Variants in VTI1A observed in about 807,000 individuals in gnomAD.
The protein encoded by VTI1A is vesicle transport through interaction with t-SNAREs 1A.
Under a neutral mutation model 34.9 loss-of-function variants are expected in VTI1A, and 22 were observed. That is an observed-to-expected ratio of 0.63 (90% CI 0.45 to 0.90). VTI1A has a LOEUF of 0.90. Among genes scored for constraint, VTI1A ranks in the 40% least tolerant of loss-of-function variants. The pLI, the probability that VTI1A is intolerant of heterozygous loss-of-function variation, is 0.00. For synonymous variants in VTI1A, 87 were observed against 97.3 expected, an observed-to-expected ratio of 0.89 and a Z score of 0.62; for missense variants, 268 against 275.6, an observed-to-expected ratio of 0.97 and a Z score of 0.20.
chr10:112,538,356 T>G lies in VTI1A; in HGVS notation c.427+26T>G, dbSNP rs1057390887. The G allele has an allele frequency of 2.5e-6, 4 of 1,603,500 alleles. 1 individual carries two copies. The South Asian group carries it at 4.4e-5, about 18-fold the overall frequency. ...GTAAGAATTCTGAGAGTGAGCAAAT[T>G]GTCTTGCTTATGCACAGCAGTCTTC... On this transcript the variant is annotated intron_variant, in intron 5 of 7. Coordinates refer to ENST00000393077, the MANE Select transcript of VTI1A (RefSeq NM_145206.4).
chr10:112,476,425 G>A (rs559592741), intron 3 of VTI1A, among the ~76,000 whole-genome samples: 219 of 152,274 alleles, frequency 1.4e-3, no homozygotes, highest in African/African-American at 5.0e-3. Context: ...TACTTGGAAA[G>A]AAAAGTAGCT....
chr10:112,549,252 T>TG (rs75864665), intron 5 of VTI1A, among the ~76,000 whole-genome samples: 6,921 of 152,302 alleles, frequency 0.045, 698 homozygotes, highest in East Asian at 0.43. Flanking sequence ...TAAGATTATA[T>TG]GGAAGAAAGT....
intron 7 of VTI1A, among the ~76,000 whole-genome samples, chr10:112,700,117 C>CAAA (rs1201699870): frequency 2.7e-4 from 11 of 40,376 alleles, no homozygotes; most frequent in African/African-American, 6.1e-4. Context: ...GACTCCATCT[C>CAAA]AAAAAAAAAA....
intron 7 of VTI1A, among the ~76,000 whole-genome samples, chr10:112,711,459 C>T (rs1590101594): frequency 6.6e-6 from 1 of 152,138 alleles, no homozygotes; most frequent in African/African-American, 2.4e-5. Context: ...AAAAGCATTC[C>T]TACTACTAAT....
intron 7 of VTI1A, among the ~76,000 whole-genome samples, chr10:112,692,163 C>G (rs147696802): frequency 6.6e-6 from 1 of 152,224 alleles, no homozygotes; most frequent in Non-Finnish European, 1.5e-5. Context: ...ACTCACCACC[C>G]TAGAGTGTAG....
chr10:112,756,292 G>C (rs919625475), intron 7 of VTI1A, among the ~76,000 whole-genome samples: 1 of 152,182 alleles, frequency 6.6e-6, no homozygotes, highest in South Asian at 2.1e-4. Context: ...GTGGGGCGGG[G>C]CAGTGTGTTA....
Position 112,816,045 on chromosome 10 carries a change from A to G in VTI1A, c.*662A>G, listed in dbSNP as rs1853512910. 4.5e-6 allele frequency: 1 copy of G among 221,888 alleles called. No homozygotes were observed. The highest frequency in any genetic ancestry group is 2.2e-5 in the African/African-American group (1 of 44,646). The allele number at this position is 221,888 out of a possible 1,614,324, so 13.7% of individuals were successfully genotyped here. A position where few individuals can be genotyped will look rare whatever the true frequency, so the allele number is the denominator to read the frequency against. ...AGCCTGCCCAGTATTCACTGTTCAC[A>G]ACTTTGATTACTGGCTACAAGAAAT... On this transcript the variant is annotated 3_prime_UTR_variant, in exon 8 of 8. Transcript: ENST00000393077.
At chr10:112,580,440 G>A (rs1474286632) in intron 5 of VTI1A, among the ~76,000 whole-genome samples, 2 of 152,146 alleles carry the variant, frequency 1.3e-5, no homozygotes, top group Non-Finnish European at 2.9e-5. Flanking sequence ...CAGCAGGAGC[G>A]GGATTGGAAA....
At chr10:112,690,148 T>TTATC (rs150027703) in intron 7 of VTI1A, among the ~76,000 whole-genome samples, 1 of 152,014 alleles carries the variant, frequency 6.6e-6, no homozygotes. Context: ...ATACTACAAT[T>TTATC]TATCTATTCA....
At chr10:112,690,613 C>T (rs990426529) in intron 7 of VTI1A, among the ~76,000 whole-genome samples, 16 of 152,166 alleles carry the variant, frequency 1.1e-4, no homozygotes, top group African/African-American at 3.9e-4. Context: ...TGGAGATTCT[C>T]GGTTGGAATC....
the VTI1A span, chr10:112,825,734 C>A: frequency 6.6e-6 from 1 of 152,236 alleles, no homozygotes; most frequent in African/African-American, 2.4e-5. Flanking sequence ...ATGGGGTCAT[C>A]TCCATGCCTG....
intron 7 of VTI1A, among the ~76,000 whole-genome samples, chr10:112,692,724 T>C (rs1186765796): frequency 6.6e-6 from 1 of 152,238 alleles, no homozygotes; most frequent in Non-Finnish European, 1.5e-5. Context: ...TTAAAATAGA[T>C]GCATAACTAA....
intron 7 of VTI1A, among the ~76,000 whole-genome samples, chr10:112,740,424 G>A (rs1810596745): frequency 6.6e-6 from 1 of 152,120 alleles, no homozygotes; most frequent in Non-Finnish European, 1.5e-5. Context: ...TGAGTAGCTG[G>A]GACCACAGGC....
chr10:112,465,280 G>A (rs931856538), intron 3 of VTI1A, among the ~76,000 whole-genome samples: 4 of 149,556 alleles, frequency 2.7e-5, no homozygotes, highest in African/African-American at 7.7e-5. Flanking sequence ...TAAATGTAAA[G>A]ACATAATGTT....
intron 7 of VTI1A, among the ~76,000 whole-genome samples, chr10:112,686,572 G>T (rs1311499226): frequency 6.6e-6 from 1 of 152,164 alleles, no homozygotes; most frequent in Non-Finnish European, 1.5e-5. Context: ...TAGGGAAAAT[G>T]AATTCCGACG....
chr10:112,793,450 C>CTA (rs1266529966), intron 7 of VTI1A, among the ~76,000 whole-genome samples: 1 of 152,152 alleles, frequency 6.6e-6, no homozygotes, highest in Non-Finnish European at 1.5e-5. Context: ...TTCCAAGGTT[C>CTA]TATACATTGG....
chr10:112,667,424 T>C (rs528460691), intron 5 of VTI1A, among the ~76,000 whole-genome samples: 7 of 152,260 alleles, frequency 4.6e-5, no homozygotes, highest in African/African-American at 1.7e-4. Context: ...TACTGTCTTC[T>C]AAAAGGGTCT....
intron 3 of VTI1A, among the ~76,000 whole-genome samples, chr10:112,489,442 A>G (rs1415937040): frequency 6.6e-6 from 1 of 152,210 alleles, no homozygotes; most frequent in East Asian, 1.9e-4. Context: ...TTGTTTAAGT[A>G]ATATTAGTGA....
At chr10:112,491,781 G>A (rs151148232) in intron 3 of VTI1A, among the ~76,000 whole-genome samples, 354 of 152,224 alleles carry the variant, frequency 2.3e-3, no homozygotes, top group African/African-American at 7.8e-3. Context: ...ACATGTGGAT[G>A]GTAACTACTG....
Sources: allele counts gnomAD v4.1 joint callset (sites outside exome capture counted in the v4.1 genomes callset), GRCh38; gene constraint gnomAD v4.1.1; transcripts MANE v1.5; gene names NCBI Gene and HGNC (gene_info 2026-07-23, HGNC 2026-07-21).